NRXN1: variants seen among roughly 807,000 people sequenced by gnomAD.
NRXN1 encodes the protein neurexin-1.
In NRXN1, 39 loss-of-function variants were observed where a neutral mutation model predicts 150.9. That is an observed-to-expected ratio of 0.26 (90% CI 0.20 to 0.34). The LOEUF (loss-of-function observed/expected upper bound fraction) is 0.34. Among genes scored for constraint, NRXN1 ranks in the 10% least tolerant of loss-of-function variants. NRXN1 has a pLI of 1.00. For synonymous variants in NRXN1, 924 were observed against 757.0 expected, an observed-to-expected ratio of 1.22 and a Z score of -3.62; for missense variants, 1,815 against 1,949.9, an observed-to-expected ratio of 0.93 and a Z score of 1.30.
chr2:50,147,189 T>G (rs1289706451), intron 18 of NRXN1, among the ~76,000 whole-genome samples: 1 of 151,716 alleles, frequency 6.6e-6, no homozygotes, highest in East Asian at 1.9e-4. Flanking sequence ...TTTCTATTTG[T>G]TACTATTACA....
intron 10 of NRXN1, among the ~76,000 whole-genome samples, chr2:50,532,492 G>A (rs2093143792): frequency 6.6e-6 from 1 of 152,078 alleles, no homozygotes; most frequent in Non-Finnish European, 1.5e-5. Flanking sequence ...TGTTTAGCAA[G>A]GTAATTTTTA....
intron 12 of NRXN1, among the ~76,000 whole-genome samples, chr2:50,521,942 A>G (rs893038642): frequency 1.3e-5 from 2 of 152,176 alleles, no homozygotes; most frequent in South Asian, 2.1e-4. Flanking sequence ...GGACAAGGAT[A>G]AGTAATAGAT....
intron 18 of NRXN1, among the ~76,000 whole-genome samples, chr2:50,159,747 A>G (rs961227146): frequency 1.3e-5 from 2 of 152,208 alleles, no homozygotes; most frequent in African/African-American, 4.8e-5. Flanking sequence ...GCAAAGAAAT[A>G]GGAAAAATGT....
At chr2:50,936,780 C>T (rs1242783897) in intron 2 of NRXN1, among the ~76,000 whole-genome samples, 2 of 151,834 alleles carry the variant, frequency 1.3e-5, no homozygotes, top group East Asian at 1.9e-4. Context: ...GACTTGATAA[C>T]TTTAAATAGG....
intron 17 of NRXN1, among the ~76,000 whole-genome samples, chr2:50,250,920 T>TGCATATGTAATAAATTTATTACATATG (rs1036951122): frequency 1.3e-3 from 190 of 151,192 alleles, no homozygotes; most frequent in African/African-American, 4.1e-3. Context: ...TATTACACAT[T>TGCATATGTAATAAATTTATTACATATG]GCATATGTAA....
intron 5 of NRXN1, among the ~76,000 whole-genome samples, chr2:50,812,628 T>C (rs1668373512): frequency 6.6e-6 from 1 of 151,740 alleles, no homozygotes; most frequent in Non-Finnish European, 1.5e-5. Context: ...ATTGTATAGA[T>C]CCACATATAC....
At position 50,267,891 on chromosome 2, in the gene NRXN1, A is replaced by G. The variant is rs958838743; in HGVS notation, c.3365-30921T>C. 1.3e-5 allele frequency among the ~76,000 whole-genome samples: 2 copies of G among 152,118 alleles called. 1 individual carries two copies. Among genetic ancestry groups the G allele is most frequent in the South Asian group, 4.1e-4 (2 of 4,832 alleles). ...CCAGAGGTGGAAGTGATTAAAAAAA[A>G]AAATCTGTGAATTTAAGGCCAGGCA... On this transcript the variant is annotated intron_variant, in intron 17 of 22. Transcript: ENST00000401669.
intron 17 of NRXN1, among the ~76,000 whole-genome samples, chr2:50,412,123 A>G (rs7587241): frequency 0.53 from 79,773 of 151,714 alleles, 23,549 homozygotes; most frequent in East Asian, 0.81. Context: ...CAGCATACTC[A>G]TTAAGTCATC....
intron 22 of NRXN1, among the ~76,000 whole-genome samples, chr2:49,932,139 G>C (rs987146535): frequency 2.0e-5 from 3 of 152,136 alleles, no homozygotes; most frequent in Admixed American, 6.5e-5. Flanking sequence ...GAGTTTGCTG[G>C]GCATGGTAAT....
At chr2:49,936,438 C>T (rs1293623407) in intron 22 of NRXN1, among the ~76,000 whole-genome samples, 3 of 152,098 alleles carry the variant, frequency 2.0e-5, no homozygotes, top group South Asian at 4.1e-4. Flanking sequence ...ATTTGTTAAA[C>T]CCTTAGTATG....
At chr2:50,386,001 A>G in intron 17 of NRXN1, among the ~76,000 whole-genome samples, 2 of 152,194 alleles carry the variant, frequency 1.3e-5, no homozygotes, top group East Asian at 3.9e-4. Context: ...ATAAATAACT[A>G]AATATACATG....
At chr2:50,244,458 G>C (rs1419808550) in intron 17 of NRXN1, among the ~76,000 whole-genome samples, 1 of 151,846 alleles carries the variant, frequency 6.6e-6, no homozygotes, top group Non-Finnish European at 1.5e-5. Flanking sequence ...GTGCTGATTT[G>C]AATAAGTTAT....
chr2:50,696,498 G>C (rs1692886597), intron 5 of NRXN1, among the ~76,000 whole-genome samples: 2 of 152,156 alleles, frequency 1.3e-5, no homozygotes, highest in African/African-American at 4.8e-5. Flanking sequence ...GTCGTGATAA[G>C]GTAGAAGAAA....
intron 19 of NRXN1, among the ~76,000 whole-genome samples, chr2:50,079,659 T>C (rs1180313282): frequency 2.0e-5 from 3 of 152,164 alleles, no homozygotes; most frequent in South Asian, 2.1e-4. Flanking sequence ...ACATTTATTA[T>C]TTTGTTTGAA....
chr2:50,619,584 T>C (rs1679620571), intron 8 of NRXN1: 2 of 246,128 alleles, frequency 8.1e-6, no homozygotes, highest in African/African-American at 2.2e-5. Context: ...TTTAGTTTTG[T>C]TTTGAATTAC....
intron 5 of NRXN1, among the ~76,000 whole-genome samples, chr2:50,857,516 G>C (rs1246957006): frequency 2.6e-5 from 4 of 152,084 alleles, no homozygotes; most frequent in Non-Finnish European, 5.9e-5. Context: ...TCTTTGGAGA[G>C]CTTAAACAGA....
At chr2:50,515,586 C>G (rs1290512137) in intron 12 of NRXN1, among the ~76,000 whole-genome samples, 2 of 144,416 alleles carry the variant, frequency 1.4e-5, no homozygotes, top group Non-Finnish European at 3.0e-5. Flanking sequence ...TAGAAACATT[C>G]ATTAAATGCT....
At chr2:50,939,282 AT>A (rs1689042068) in intron 2 of NRXN1, among the ~76,000 whole-genome samples, 1 of 151,510 alleles carries the variant, frequency 6.6e-6, no homozygotes, top group Admixed American at 6.6e-5. Flanking sequence ...ACAAAGCTTC[AT>A]TTAGAAATCA....
chr2:50,474,630 C>G (rs1321733794), intron 15 of NRXN1, among the ~76,000 whole-genome samples: 1 of 144,022 alleles, frequency 6.9e-6, no homozygotes, highest in Non-Finnish European at 1.5e-5. Flanking sequence ...ACGTTCCGTA[C>G]TCCTCTGTGC....
Sources: allele counts gnomAD v4.1 joint callset (sites outside exome capture counted in the v4.1 genomes callset), GRCh38; gene constraint gnomAD v4.1.1; transcripts MANE v1.5; gene names NCBI Gene and HGNC (gene_info 2026-07-23, HGNC 2026-07-21).